Variants in MDGA2 observed in about 807,000 individuals in gnomAD.
MDGA2 encodes the protein MAM domain-containing glycosylphosphatidylinositol anchor protein 2.
In MDGA2, 40 loss-of-function variants were observed where a neutral mutation model predicts 117.8. The ratio of observed to expected loss-of-function variants is 0.34; its 90% CI spans 0.26 to 0.44. MDGA2 has a LOEUF of 0.44. MDGA2 is among the 20% of genes least tolerant of loss of function. MDGA2 has a pLI of 1.00. For missense variants in MDGA2, 1,123 were observed against 1,250.6 expected (o/e 0.90, Z 1.54); for synonymous variants, 452 against 439.0 (o/e 1.03, Z -0.37).
At chr14:47,543,223 G>A (rs1950397) in intron 1 of MDGA2, among the ~76,000 whole-genome samples, 113,630 of 151,934 alleles carry the variant, frequency 0.75, 42,898 homozygotes, top group East Asian at 1. Flanking sequence ...GACAACAGCA[G>A]AGAAAATAGA....
rs189833490 is a variant in MDGA2 at position 47,441,353 on chromosome 14, G to A, written c.281-139803C>T. On this transcript the variant is annotated intron_variant, in intron 1 of 16. Coordinates refer to ENST00000399232, the MANE Select transcript of MDGA2 (RefSeq NM_001113498.3). ...ACTGGTGAGGTTTCAGGAACACAAT[G>A]AATACCCGCTGGCTGGATTTCATTG... is the stretch of plus-strand genomic sequence containing the variant. Among the ~76,000 whole-genome samples the A allele has an allele frequency of 7.2e-5, 11 of 152,280 alleles. No homozygotes were observed. In the East Asian group the frequency reaches 2.1e-3, roughly 29 times the overall value.
chr14:47,001,598 C>T (rs1238315014), intron 8 of MDGA2, among the ~76,000 whole-genome samples: 1 of 151,968 alleles, frequency 6.6e-6, no homozygotes, highest in African/African-American at 2.4e-5. Context: ...AAACACTATT[C>T]AATACAAAAA....
At chr14:47,018,693 CA>C (rs1451793621) in intron 8 of MDGA2, among the ~76,000 whole-genome samples, 1 of 119,320 alleles carries the variant, frequency 8.4e-6, no homozygotes, top group Non-Finnish European at 1.6e-5. Context: ...GAAGGCAGGC[CA>C]AGCAACTTCC....
At chr14:46,910,364 A>T (rs550369772) in intron 10 of MDGA2, among the ~76,000 whole-genome samples, 1 of 152,210 alleles carries the variant, frequency 6.6e-6, no homozygotes, top group East Asian at 1.9e-4. Context: ...CTTGTCCCCT[A>T]TTAATTTAGT....
intron 2 of MDGA2, among the ~76,000 whole-genome samples, chr14:47,297,021 T>G (rs928165597): frequency 6.6e-6 from 1 of 152,146 alleles, no homozygotes; most frequent in Non-Finnish European, 1.5e-5. Flanking sequence ...GTTTCTAATG[T>G]GAAGGGATCT....
intron 1 of MDGA2, among the ~76,000 whole-genome samples, chr14:47,665,403 C>A (rs190240113): frequency 6.6e-6 from 1 of 152,338 alleles, no homozygotes; most frequent in African/African-American, 2.4e-5. Flanking sequence ...TCACAACCCT[C>A]GCTTACTCTC....
intron 14 of MDGA2, among the ~76,000 whole-genome samples, chr14:46,872,749 T>C (rs901047328): frequency 6.6e-6 from 1 of 151,936 alleles, no homozygotes; most frequent in Non-Finnish European, 1.5e-5. Context: ...GATATTCAGT[T>C]CTCAGGATTT....
At chr14:47,229,657 T>TA (rs1016696135) in intron 2 of MDGA2, among the ~76,000 whole-genome samples, 6 of 149,868 alleles carry the variant, frequency 4.0e-5, no homozygotes, top group Admixed American at 1.3e-4. Context: ...TTTAAAAATC[T>TA]AAAAAAAAAT....
chr14:47,357,773 G>A (rs755162514), intron 1 of MDGA2, among the ~76,000 whole-genome samples: 3 of 152,184 alleles, frequency 2.0e-5, no homozygotes, highest in Non-Finnish European at 4.4e-5. Context: ...TCTCTAGCTT[G>A]TATTACAACA....
intron 1 of MDGA2, among the ~76,000 whole-genome samples, chr14:47,410,908 C>T (rs769040270): frequency 4.6e-5 from 7 of 152,128 alleles, no homozygotes; most frequent in Non-Finnish European, 8.8e-5. Context: ...ATGTCTAAGA[C>T]ACATACATTT....
At chr14:46,923,402 C>T (rs1199977559) in intron 9 of MDGA2, among the ~76,000 whole-genome samples, 3 of 151,876 alleles carry the variant, frequency 2.0e-5, no homozygotes, top group African/African-American at 7.3e-5. Flanking sequence ...ATGGGGATAA[C>T]ATATGAAAGG....
chr14:47,107,522 A>G lies in MDGA2; in HGVS notation c.926-10399T>C, dbSNP rs575308471. ...ACTGACCCTGACATCCATCAAGCTC[A>G]GCAAATTACCTAGGCTGTACTGCCG... On this transcript the variant is annotated intron_variant, in intron 5 of 16. Coordinates refer to ENST00000399232, the MANE Select transcript of MDGA2 (RefSeq NM_001113498.3). 3.0e-4 allele frequency among the ~76,000 whole-genome samples: 46 copies of G among 152,190 alleles called. 1 individual carries two copies. The highest frequency in any genetic ancestry group is 1.1e-3 in the African/African-American group (45 of 41,500).
intron 1 of MDGA2, among the ~76,000 whole-genome samples, chr14:47,442,071 G>A (rs1474924820): frequency 6.6e-6 from 1 of 152,082 alleles, no homozygotes; most frequent in Non-Finnish European, 1.5e-5. Flanking sequence ...AAATGTGGGG[G>A]CTCAAACAAA....
intron 4 of MDGA2, among the ~76,000 whole-genome samples, chr14:47,136,881 A>G (rs1303716907): frequency 6.6e-6 from 1 of 152,212 alleles, no homozygotes; most frequent in Admixed American, 6.5e-5. Flanking sequence ...CCTGCAAGAT[A>G]GATTTATGAA....
At chr14:47,049,707 C>T (rs1195158449) in intron 7 of MDGA2, among the ~76,000 whole-genome samples, 2 of 151,920 alleles carry the variant, frequency 1.3e-5, no homozygotes, top group East Asian at 1.9e-4. Flanking sequence ...ATATAGAGGG[C>T]TGACTGTATT....
intron 1 of MDGA2, among the ~76,000 whole-genome samples, chr14:47,468,568 C>T (rs1189805255): frequency 6.6e-6 from 1 of 152,140 alleles, no homozygotes; most frequent in Non-Finnish European, 1.5e-5. Flanking sequence ...TTCTAAACGA[C>T]ACTTAATAAG....
At chr14:47,254,466 T>C (rs1044664195) in intron 2 of MDGA2, among the ~76,000 whole-genome samples, 1 of 152,170 alleles carries the variant, frequency 6.6e-6, no homozygotes, top group African/African-American at 2.4e-5. Context: ...GAGTTGCCTC[T>C]CCTCCAGTTC....
intron 1 of MDGA2, among the ~76,000 whole-genome samples, chr14:47,520,567 C>A (rs182079108): frequency 6.6e-6 from 1 of 152,184 alleles, no homozygotes; most frequent in African/African-American, 2.4e-5. Flanking sequence ...TCATTTTTTT[C>A]TATGACACAT....
At chr14:46,931,524 G>GTTT (rs1221643535) in intron 9 of MDGA2, among the ~76,000 whole-genome samples, 3 of 86,240 alleles carry the variant, frequency 3.5e-5, no homozygotes, top group African/African-American at 5.7e-5. Flanking sequence ...GTTTATTTTT[G>GTTT]CTTTTTTTTT....
Sources: gnomAD v4.1 joint callset for allele counts (sites outside exome capture counted in the v4.1 genomes callset) on GRCh38, gnomAD v4.1.1 for gene constraint, MANE v1.5 for transcripts, NCBI Gene and HGNC (gene_info 2026-07-23, HGNC 2026-07-21) for gene names.